The following EXOC6B variants were observed in gnomAD, a reference collection of about 807,000 sequenced individuals.
EXOC6B encodes the protein SEC15 homolog B.
A neutral mutation model predicts 113.5 loss-of-function variants in EXOC6B; 54 were observed. That is an observed-to-expected ratio of 0.48 (90% CI 0.38 to 0.60). The LOEUF is 0.60. EXOC6B is among the 20% of genes least tolerant of loss of function. EXOC6B has a pLI of 0.00. For missense variants in EXOC6B, 797 were observed against 977.5 expected, an observed-to-expected ratio of 0.82 and a Z score of 2.46; for synonymous variants, 357 against 339.0, an observed-to-expected ratio of 1.05 and a Z score of -0.58.
At chr2:72,821,539 G>T (rs1686582657) in intron 1 of EXOC6B, among the ~76,000 whole-genome samples, 1 of 152,022 alleles carries the variant, frequency 6.6e-6, no homozygotes, top group African/African-American at 2.4e-5. Context: ...TGGCAGCATT[G>T]TTCCACAGCC....
chr2:72,792,971 A>G (rs2105043255), intron 1 of EXOC6B, among the ~76,000 whole-genome samples: 1 of 152,316 alleles, frequency 6.6e-6, no homozygotes, highest in African/African-American at 2.4e-5. Context: ...TGTTTATTTC[A>G]GTATTATATA....
intron 6 of EXOC6B, among the ~76,000 whole-genome samples, chr2:72,631,438 AT>A (rs1672405945): frequency 3.0e-5 from 1 of 33,530 alleles, no homozygotes; most frequent in Non-Finnish European, 5.7e-5. Context: ...ATATATATAT[AT>A]ATATATATAT....
chr2:72,405,979 A>G (rs889838163), intron 18 of EXOC6B, among the ~76,000 whole-genome samples: 3 of 152,218 alleles, frequency 2.0e-5, no homozygotes, highest in Admixed American at 6.5e-5. Flanking sequence ...AGAGACACAG[A>G]TAGGCTCAAA....
chr2:72,776,164 T>G (rs1165741494), intron 1 of EXOC6B, among the ~76,000 whole-genome samples: 1 of 152,128 alleles, frequency 6.6e-6, no homozygotes, highest in Non-Finnish European at 1.5e-5. Flanking sequence ...GAAACTGCAA[T>G]TATCTCAACA....
chr2:72,435,176 T>C (rs181242974), intron 18 of EXOC6B, among the ~76,000 whole-genome samples: 1 of 152,362 alleles, frequency 6.6e-6, no homozygotes, highest in East Asian at 1.9e-4. Context: ...CAGTAGTCTT[T>C]CAGGAGCAGG....
intron 17 of EXOC6B, among the ~76,000 whole-genome samples, chr2:72,465,810 CTT>C (rs1445176472): frequency 5.9e-5 from 9 of 152,170 alleles, no homozygotes; most frequent in Non-Finnish European, 1.0e-4. Context: ...TCTGATCTTC[CTT>C]AACTTCTGTT....
intron 18 of EXOC6B, among the ~76,000 whole-genome samples, chr2:72,435,840 A>G (rs1333234084): frequency 6.7e-6 from 1 of 149,668 alleles, no homozygotes; most frequent in Non-Finnish European, 1.5e-5. Flanking sequence ...GATGGTCTTG[A>G]CTCTTTATCC....
At chr2:72,686,268 T>C (rs1677081417) in intron 6 of EXOC6B, among the ~76,000 whole-genome samples, 1 of 152,092 alleles carries the variant, frequency 6.6e-6, no homozygotes, top group African/African-American at 2.4e-5. Context: ...GTCTTTTAAG[T>C]CCAAGGAATG....
At chr2:72,546,449 AAGAG>A (rs753326829) in intron 8 of EXOC6B, among the ~76,000 whole-genome samples, 3 of 151,692 alleles carry the variant, frequency 2.0e-5, no homozygotes, top group Non-Finnish European at 4.4e-5. Context: ...CTCCAAAAAA[AAGAG>A]AGAGAGAGAG....
intron 6 of EXOC6B, among the ~76,000 whole-genome samples, chr2:72,645,784 T>C (rs1485728844): frequency 2.0e-5 from 3 of 152,244 alleles, no homozygotes; most frequent in East Asian, 3.9e-4. Context: ...TGGGACACAT[T>C]TAAAGCAGTG....
chr2:72,387,071 G>C (rs1195508291), intron 18 of EXOC6B, among the ~76,000 whole-genome samples: 5 of 152,258 alleles, frequency 3.3e-5, no homozygotes. Context: ...ACTGCTGACA[G>C]AATTTTATTT....
In EXOC6B at chr2:72,816,705, T is replaced by G. The variant is rs1042935856; in HGVS notation, c.113+9093A>C. On this transcript the variant is annotated intron_variant, in intron 1 of 21. Transcript: ENST00000272427. ...CTCAGGTTCCTCAGAATTACATATTTGATCTGATGATAACTAACAAACTCT... is the reference window on the plus strand; with the variant it reads ...CTCAGGTTCCTCAGAATTACATATTGGATCTGATGATAACTAACAAACTCT... Among the ~76,000 whole-genome samples, 7 of 152,376 alleles carry G rather than the reference T, an allele frequency of 4.6e-5. No individual in the cohort carries two copies. In the East Asian group the frequency reaches 1.3e-3, roughly 29 times the overall value.
intron 19 of EXOC6B, among the ~76,000 whole-genome samples, chr2:72,360,745 C>T (rs1690260882): frequency 6.6e-6 from 1 of 151,982 alleles, no homozygotes; most frequent in African/African-American, 2.4e-5. Flanking sequence ...AGCTGAAAAT[C>T]AAATAAGTTG....
chr2:72,218,353 G>C (rs990516181), intron 20 of EXOC6B, among the ~76,000 whole-genome samples: 10 of 152,138 alleles, frequency 6.6e-5, no homozygotes, highest in African/African-American at 2.4e-4. Context: ...TGAATTCTTT[G>C]ATCCTGTCTT....
At chr2:72,202,262 CTT>C (rs1345465565) in intron 20 of EXOC6B, among the ~76,000 whole-genome samples, 1 of 152,214 alleles carries the variant, frequency 6.6e-6, no homozygotes, top group East Asian at 1.9e-4. Flanking sequence ...AAAACTTCAT[CTT>C]GTTATTATAG....
intron 20 of EXOC6B, among the ~76,000 whole-genome samples, chr2:72,306,217 T>C (rs901175596): frequency 8.5e-5 from 13 of 152,210 alleles, no homozygotes; most frequent in Non-Finnish European, 1.5e-4. Flanking sequence ...AGAATTAAAA[T>C]GAAAATGTAT....
At chr2:72,530,238 T>A (rs960187487) in intron 8 of EXOC6B, among the ~76,000 whole-genome samples, 1 of 152,244 alleles carries the variant, frequency 6.6e-6, no homozygotes, top group African/African-American at 2.4e-5. Flanking sequence ...TTTAAGACTT[T>A]TACTCTTTTC....
At chr2:72,437,790 G>A (rs1695962871) in intron 18 of EXOC6B, among the ~76,000 whole-genome samples, 1 of 152,092 alleles carries the variant, frequency 6.6e-6, no homozygotes, top group Non-Finnish European at 1.5e-5. Context: ...AACAAAAATT[G>A]TATCAGATTG....
chr2:72,684,206 C>A (rs1445088070), intron 6 of EXOC6B, among the ~76,000 whole-genome samples: 1 of 152,176 alleles, frequency 6.6e-6, no homozygotes. Context: ...GGATTAAAGG[C>A]ATGAGCCACC....
Sources: gnomAD v4.1 joint callset for allele counts (sites outside exome capture counted in the v4.1 genomes callset) on GRCh38, gnomAD v4.1.1 for gene constraint, MANE v1.5 for transcripts, NCBI Gene and HGNC (gene_info 2026-07-23, HGNC 2026-07-21) for gene names.